CNGA4: variants seen among roughly 807,000 people sequenced by gnomAD.
CNGA4 encodes the protein cyclic nucleotide-gated channel alpha-4.
A neutral mutation model predicts 45.6 loss-of-function variants in CNGA4; 32 were observed. The ratio of observed to expected loss-of-function variants is 0.70; its 90% CI spans 0.53 to 0.94. The LOEUF is 0.94. CNGA4 is among the 40% of genes least tolerant of loss of function. The pLI is 0.00. For missense variants in CNGA4, 726 were observed against 755.1 expected, an observed-to-expected ratio of 0.96 and a Z score of 0.45; for synonymous variants, 293 against 304.6, an observed-to-expected ratio of 0.96 and a Z score of 0.40.
intron 5 of CNGA4, 117 bp downstream of exon 5, chr11:6,241,897 G>A: frequency 1.1e-6 from 1 of 893,660 alleles, no homozygotes; most frequent in Non-Finnish European, 1.7e-6. Flanking sequence ...GAGGAAACCT[G>A]GCCCTTCTCT....
chr11:6,243,502 TC>T (rs1332959537), intron 5 of CNGA4, among the ~76,000 whole-genome samples: 3 of 152,142 alleles, frequency 2.0e-5, no homozygotes, highest in Non-Finnish European at 2.9e-5. Flanking sequence ...GCCCCCATAA[TC>T]CAATCACCTC....
chr11:6,244,912 A>T (rs1011023642), downstream of CNGA4, among the ~76,000 whole-genome samples: 1 of 152,200 alleles, frequency 6.6e-6, no homozygotes, highest in Non-Finnish European at 1.5e-5. This position sits in a 1 kb window ranked among gnomAD's most constrained non-coding sequence, Gnocchi z 4.5. Flanking sequence ...AATGTTTCCC[A>T]TATGGGCGAT....
In CNGA4 at chr11:6,240,027, CT is replaced by C; in HGVS notation, c.272-38del. 6.4e-7 allele frequency: 1 copy of C among 1,570,598 alleles called. No individual in the cohort carries two copies. The highest frequency in any genetic ancestry group is 1.2e-5 in the South Asian group (1 of 82,662). ...CAGCTCATGCTCAGCCCAAGCTTGA[CT>C]ACAGCAGGTCCGCTTCCTACCGGCT... is the stretch of plus-strand genomic sequence containing the variant. On this transcript the variant is annotated intron_variant, in intron 3 of 5. Transcript: ENST00000379936. This position sits in a 1 kb window ranked among gnomAD's most constrained non-coding sequence, Gnocchi z 4.9.
chr11:6,244,468 T>G lies in CNGA4; in HGVS notation c.*59T>G. ...GTGAATCCAGAGTTGTAGTAAAGCC[T>G]AACTGCTGCAACTCTGTCATCCTGT... On this transcript the variant is annotated 3_prime_UTR_variant, in exon 6 of 6. Coordinates refer to ENST00000379936, the MANE Select transcript of CNGA4 (RefSeq NM_001037329.4). The surrounding 1 kb of genome is among the most constrained non-coding windows in gnomAD (Gnocchi z 4.5). 1 of 1,457,548 alleles carries G rather than the reference T, an allele frequency of 6.9e-7. No homozygotes were observed. The highest frequency in any genetic ancestry group is 9.3e-7 in the Non-Finnish European group (1 of 1,072,750). 90.3% of individuals were successfully genotyped at this position (1,457,548 alleles called of 1,614,324 possible). A position where few individuals can be genotyped will look rare whatever the true frequency, so the allele number is the denominator to read the frequency against.
At chr11:6,238,125 T>C (rs926096102), upstream of CNGA4, among the ~76,000 whole-genome samples, 2 of 152,212 alleles carry the variant, frequency 1.3e-5, no homozygotes, top group Admixed American at 1.3e-4. Flanking sequence ...TAGGGCCACT[T>C]CATGTGTACT....
chr11:6,234,824 G>T (rs1390680034), upstream of CNGA4: 1 of 152,810 alleles, frequency 6.5e-6, no homozygotes, highest in African/African-American at 2.4e-5. Context: ...ATCCGAGGGA[G>T]GAGCACCGCC....
At position 6,239,780 on chromosome 11, in the gene CNGA4, C is replaced by T. The variant is rs1847884631; in HGVS notation, c.261C>T (p.Arg87=). The T allele has an allele frequency of 1.4e-5, 23 of 1,613,452 alleles. No homozygotes were observed. Among genetic ancestry groups the T allele is most frequent in the Non-Finnish European group, 1.9e-5 (23 of 1,179,562 alleles). Residue 87 remains arginine, a synonymous_variant, in exon 3 of 6, where the codon CGC becomes CGT. Transcript: ENST00000379936. The stretch of plus-strand genomic sequence containing the variant: ...TATACCTACTAGACATGGTGGTGCG[C>T]TTCCACACAGGTCAGTGGGCTTCTA... The part of the protein sequence containing the change: ...DLLYLLDMVV[R]FHTGFLEQGI...
rs138569309 is a variant in CNGA4 at position 6,240,646 on chromosome 11, A to G, written c.852A>G (p.Ala284=). The G allele has an allele frequency of 1.8e-5, 29 of 1,614,086 alleles. No homozygotes were observed. In the African/African-American group the frequency reaches 2.4e-4, roughly 13 times the overall value. ...TADAAFYPDH[A]LVKKYMKLQH... is the part of the protein sequence containing the mutation. ...ATGCGGCTTTCTACCCAGATCATGC[A>G]CTGGTGAAGAAGTACATGAAGCTGC... Residue 284 remains alanine (A), a synonymous_variant, in exon 4 of 6, where the codon GCA becomes GCG. Coordinates refer to ENST00000379936, the MANE Select transcript of CNGA4 (RefSeq NM_001037329.4). The surrounding 1 kb of genome is among the most constrained non-coding windows in gnomAD (Gnocchi z 4.9).
chr11:6,237,536 G>T (rs1210657500), upstream of CNGA4, among the ~76,000 whole-genome samples: 1 of 130,910 alleles, frequency 7.6e-6, no homozygotes, highest in Non-Finnish European at 1.7e-5. Flanking sequence ...AAAGTAGAAA[G>T]CCTAGAACAG....
intron 3 of CNGA4, 135 bp from the exon 4 acceptor site, chr11:6,239,931 C>G: frequency 7.3e-7 from 1 of 1,376,290 alleles, no homozygotes. Flanking sequence ...GTGCTCACCC[C>G]GGAAAGCCGG....
In CNGA4 at chr11:6,239,404, A is replaced by G. The variant is rs1008839909; in HGVS notation, c.83A>G (p.Asp28Gly). The G allele has an allele frequency of 1.2e-6, 2 of 1,614,076 alleles. No homozygotes were observed. Among genetic ancestry groups the G allele is most frequent in the African/African-American group, 2.7e-5 (2 of 74,930 alleles). ...SKARKLLPVL[D>G]PSGDYYYWWL... is the part of the protein sequence containing the mutation. Reference sequence around the variant, plus strand: ...TACAGGAAGTTGCTGCCTGTCCTGGACCCATCTGGGGATTACTACTACTGG... The same window carrying G: ...TACAGGAAGTTGCTGCCTGTCCTGGGCCCATCTGGGGATTACTACTACTGG... The change falls in exon 2 of 6, where the codon GAC (aspartate) becomes GGC (glycine). Residue 28 changes from aspartate to glycine, a missense_variant. By Grantham distance (94) the Asp-to-Gly change is moderately conservative. Coordinates refer to ENST00000379936, the MANE Select transcript of CNGA4 (RefSeq NM_001037329.4).
upstream of CNGA4, chr11:6,235,543 C>T (rs1213134004): frequency 2.0e-6 from 2 of 985,180 alleles, no homozygotes; most frequent in African/African-American, 3.5e-5. Context: ...TTAGGGAAGA[C>T]TTCCGGGAGG....
Position 6,240,114 on chromosome 11 carries a change from G to C in CNGA4, c.320G>C (p.Ser107Thr). The change falls in exon 4 of 6, where the codon AGT becomes ACT. Residue 107 changes from serine (S) to threonine (T), a missense_variant. Coordinates refer to ENST00000379936, the MANE Select transcript of CNGA4 (RefSeq NM_001037329.4). This position sits in a 1 kb window ranked among gnomAD's most constrained non-coding sequence, Gnocchi z 4.9. ...ILVVDKGRIS[S>T]RYVRTWSFFL... ...GTGGTGGACAAGGGTAGGATCTCGA[G>C]TCGCTACGTTCGCACCTGGAGTTTC... 1 of 1,614,004 alleles carries C rather than the reference G, an allele frequency of 6.2e-7. No individual in the cohort carries two copies. The highest frequency in any genetic ancestry group is 8.5e-7 in the Non-Finnish European group (1 of 1,179,964).
chr11:6,243,243 T>G (rs1433040425), intron 5 of CNGA4, among the ~76,000 whole-genome samples: 2 of 152,190 alleles, frequency 1.3e-5, no homozygotes, highest in African/African-American at 4.8e-5. Context: ...ACTGGATAAT[T>G]TATAAAGAAA....
At chr11:6,238,600 G>A (rs1443492504), upstream of CNGA4, among the ~76,000 whole-genome samples, 1 of 152,200 alleles carries the variant, frequency 6.6e-6, no homozygotes, top group Non-Finnish European at 1.5e-5. Context: ...CACTACCTAT[G>A]AGAATGGTGT....
chr11:6,244,119 G>A lies in CNGA4; in HGVS notation c.1438G>A (p.Val480Met), dbSNP rs182305554. 2.8e-5 allele frequency: 45 copies of A among 1,614,230 alleles called. No homozygotes were observed. Among genetic ancestry groups the A allele is most frequent in the Admixed American group, 5.0e-5 (3 of 60,024 alleles). The change falls in exon 6 of 6, where the codon GTG becomes ATG. Residue 480 changes from valine (V) to methionine (M), a missense_variant. Transcript: ENST00000379936. This position sits in a 1 kb window ranked among gnomAD's most constrained non-coding sequence, Gnocchi z 4.5. ...CCTGCTGAAAATGAACAAGTTGGACGTGAATGCTGAGGCAGCTGAGATCGC... is the reference window on the plus strand; with the variant it reads ...CCTGCTGAAAATGAACAAGTTGGACATGAATGCTGAGGCAGCTGAGATCGC... ...EILLKMNKLD[V>M]NAEAAEIALQ...
At position 6,240,077 on chromosome 11, in the gene CNGA4, C is replaced by A. The variant is rs140371117; in HGVS notation, c.283C>A (p.Gln95Lys). The change falls in exon 4 of 6, where the codon CAG becomes AAG. Residue 95 changes from glutamine to lysine, a missense_variant. Transcript: ENST00000379936. This position sits in a 1 kb window ranked among gnomAD's most constrained non-coding sequence, Gnocchi z 4.9. Reference sequence around the variant, plus strand: ...CTCCCTCTCCCCAGGATTCTTGGAACAGGGCATCCTGGTGGTGGACAAGGG... The same window carrying A: ...CTCCCTCTCCCCAGGATTCTTGGAAAAGGGCATCCTGGTGGTGGACAAGGG... ...VVRFHTGFLE[Q>K]GILVVDKGRI... The A allele has an allele frequency of 1.2e-6, 2 of 1,607,184 alleles. No homozygotes were observed. The highest frequency in any genetic ancestry group is 1.3e-5 in the African/African-American group (1 of 74,754).
At chr11:6,239,363 G>A in intron 1 of CNGA4, 21 bp from the exon 2 acceptor site, 2 of 1,613,728 alleles carry the variant, frequency 1.2e-6, no homozygotes, top group Non-Finnish European at 1.7e-6. Context: ...AATAAATGAA[G>A]CAAGACTTTC....
At chr11:6,241,313 C>T (rs1847914975) in intron 4 of CNGA4, 118 bp from the exon 5 acceptor site, 1 of 786,200 alleles carries the variant, frequency 1.3e-6, no homozygotes, top group Non-Finnish European at 2.1e-6. Context: ...CTCCCATGAC[C>T]CCTGTTAGAT....
Sources: allele counts gnomAD v4.1 joint callset (sites outside exome capture counted in the v4.1 genomes callset), GRCh38; gene constraint gnomAD v4.1.1; non-coding constraint Gnocchi (gnomAD v3.1); transcripts MANE v1.5; gene names NCBI Gene and HGNC (gene_info 2026-07-23, HGNC 2026-07-21).